ARHGEF11: variants seen among roughly 807,000 people sequenced by gnomAD.
The protein encoded by ARHGEF11 is Rho guanine exchange factor (GEF) 11.
Under a neutral mutation model 193.7 loss-of-function variants are expected in ARHGEF11, and 55 were observed. The observed-to-expected ratio is 0.28, with a 90% CI of 0.23 to 0.36. The LOEUF (loss-of-function observed/expected upper bound fraction) is 0.36, where lower values mean the gene tolerates loss of function less well. Among genes scored for constraint, ARHGEF11 ranks in the 10% least tolerant of loss-of-function variants. ARHGEF11 has a pLI of 1.00. For synonymous variants in ARHGEF11, 693 were observed against 768.0 expected (o/e 0.90, Z 1.62); for missense variants, 1,723 against 2,005.6 (o/e 0.86, Z 2.69).
intron 8 of ARHGEF11, 35 bp from the exon 9 acceptor site, chr1:156,970,078 T>G: frequency 6.3e-7 from 1 of 1,594,152 alleles, no homozygotes; most frequent in Non-Finnish European, 8.6e-7. Flanking sequence ...GGGCAAATTC[T>G]GTGAGCCTCT....
chr1:157,000,746 T>C lies in ARHGEF11; in HGVS notation c.33-14573A>G, dbSNP rs572243643. Among the ~76,000 whole-genome samples, 115 of 152,342 alleles carry C rather than the reference T, an allele frequency of 7.5e-4. No homozygotes were observed. The Middle Eastern group carries it at 0.017, about 23-fold the overall frequency. On this transcript the variant is annotated intron_variant, in intron 1 of 40. Coordinates refer to ENST00000368194, the MANE Select transcript of ARHGEF11 (RefSeq NM_198236.3). ...TGATGGTATGAGGTCTGCTTGTCTT[T>C]GCAATCCCCTTCCTTGGGCAGGCTG...
chr1:156,970,838 G>A (rs1199442447), intron 8 of ARHGEF11, among the ~76,000 whole-genome samples: 1 of 152,168 alleles, frequency 6.6e-6, no homozygotes, highest in Non-Finnish European at 1.5e-5. Flanking sequence ...TTGCCCAAGA[G>A]TCTTTAAGCT....
At chr1:156,991,707 C>CTT (rs1208007433) in intron 1 of ARHGEF11, among the ~76,000 whole-genome samples, 78 of 107,504 alleles carry the variant, frequency 7.3e-4, no homozygotes, top group African/African-American at 2.7e-3. Context: ...TTTTTTCAAG[C>CTT]TTATTTTTTT....
chr1:157,037,041 T>C (rs1160517687), intron 1 of ARHGEF11, among the ~76,000 whole-genome samples: 1 of 152,062 alleles, frequency 6.6e-6, no homozygotes, highest in Non-Finnish European at 1.5e-5. Context: ...GGCATGAGAA[T>C]TGCTTGAACC....
At chr1:156,936,497 A>AAAATATATATAT (rs370282821) in intron 40 of ARHGEF11, among the ~76,000 whole-genome samples, 3 of 33,932 alleles carry the variant, frequency 8.8e-5, no homozygotes, top group South Asian at 1.6e-3. Flanking sequence ...AAAAAAAAAA[A>AAAATATATATAT]ATATATATAT....
chr1:156,978,149 C>T lies in ARHGEF11; in HGVS notation c.510+55G>A, dbSNP rs574350280. On this transcript the variant is annotated intron_variant, in intron 6 of 40. Coordinates refer to ENST00000368194, the MANE Select transcript of ARHGEF11 (RefSeq NM_198236.3). ...ATTTAACTTGCTTTCCTCCCCAATG[C>T]GGAGCTTTTCAACAGGACATTAGGG... is the stretch of plus-strand genomic sequence containing the variant. The T allele has an allele frequency of 5.6e-5, 90 of 1,608,476 alleles. No homozygotes were observed. In the Admixed American group the frequency reaches 9.8e-4, roughly 18 times the overall value.
chr1:156,946,682 G>T lies in ARHGEF11; in HGVS notation c.2674C>A (p.Arg892=). ...LIKTKQRKES[R]FQLFMQEAES... ...CGCACCTGCATGAAGAGCTGGAATC[G>T]ACTCTCCTTGCGTTGCTTGGTCTTG... Residue 892 remains arginine, a synonymous_variant, in exon 28 of 41, where the codon CGA becomes AGA. Coordinates refer to ENST00000368194, the MANE Select transcript of ARHGEF11 (RefSeq NM_198236.3). 1 of 1,614,164 alleles carries T rather than the reference G, an allele frequency of 6.2e-7. No homozygotes were observed. The highest frequency in any genetic ancestry group is 1.1e-5 in the South Asian group (1 of 91,038).
chr1:156,974,991 T>G (rs2184710), intron 7 of ARHGEF11, among the ~76,000 whole-genome samples: 27,101 of 152,232 alleles, frequency 0.18, 2,990 homozygotes, highest in East Asian at 0.44. Context: ...CAAGTTTTTG[T>G]GTGAACCTAT....
intron 13 of ARHGEF11, 63 bp from the exon 14 acceptor site, chr1:156,961,838 G>A: frequency 1.4e-6 from 2 of 1,452,310 alleles, no homozygotes; most frequent in Non-Finnish European, 1.9e-6. Context: ...TTGCCCCCTA[G>A]GGGACGTTTG....
At chr1:157,021,950 T>C (rs1670038947) in intron 1 of ARHGEF11, among the ~76,000 whole-genome samples, 1 of 152,210 alleles carries the variant, frequency 6.6e-6, no homozygotes, top group Non-Finnish European at 1.5e-5. Context: ...AACAAAACCA[T>C]GATCATCTCA....
intron 1 of ARHGEF11, 82 bp from the exon 2 acceptor site, chr1:156,986,255 G>T: frequency 1.6e-6 from 2 of 1,235,624 alleles, no homozygotes; most frequent in South Asian, 2.5e-5. Flanking sequence ...CTGTCAAAAG[G>T]GGCCCTGAGT....
At chr1:156,949,213 C>T (rs1028302538) in intron 22 of ARHGEF11, 4 of 632,390 alleles carry the variant, frequency 6.3e-6, no homozygotes, top group Non-Finnish European at 7.9e-6. Context: ...CGCTCCTTGG[C>T]CTGCCGTGCT....
In ARHGEF11 at chr1:156,946,080, G is replaced by C; in HGVS notation, c.2777C>G (p.Pro926Arg). ...CTTGATGATGCTCTCCAGCAGCAGC[G>C]GGTACTTGGTGAGCCGCTGCATCTC... is the stretch of plus-strand genomic sequence containing the variant. ...ISEMQRLTKY[P>R]LLLESIIKHT... is the part of the protein sequence containing the mutation. The change falls in exon 29 of 41, where the codon CCG (proline) becomes CGG (arginine). Residue 926 changes from proline to arginine, a missense_variant. By Grantham distance (103) the Pro-to-Arg change is moderately radical (BLOSUM62 -2). Transcript: ENST00000368194. 6.2e-7 allele frequency: 1 copy of C among 1,613,636 alleles called. No homozygotes were observed. Among genetic ancestry groups the C allele is most frequent in the Non-Finnish European group, 8.5e-7 (1 of 1,179,944 alleles).
intron 13 of ARHGEF11, 101 bp from the exon 14 acceptor site, chr1:156,961,876 T>A: frequency 5.0e-6 from 5 of 1,001,654 alleles, no homozygotes; most frequent in Non-Finnish European, 7.8e-6. Flanking sequence ...TTTTAGTTGT[T>A]ACAACTACTG....
chr1:156,944,909 T>A, intron 30 of ARHGEF11, 110 bp downstream of exon 30: 1 of 1,398,114 alleles, frequency 7.2e-7, no homozygotes, highest in Non-Finnish European at 9.6e-7. Context: ...TGCCACCCTA[T>A]CTGGTCTCTG....
At chr1:156,991,413 G>C (rs1665676752) in intron 1 of ARHGEF11, among the ~76,000 whole-genome samples, 1 of 152,164 alleles carries the variant, frequency 6.6e-6, no homozygotes, top group Non-Finnish European at 1.5e-5. Flanking sequence ...TCTGCCTCCT[G>C]GGTTCAAGTG....
At chr1:156,981,298 T>C (rs1664142585) in intron 3 of ARHGEF11, among the ~76,000 whole-genome samples, 1 of 152,000 alleles carries the variant, frequency 6.6e-6, no homozygotes, top group South Asian at 2.1e-4. Flanking sequence ...CTGCCTTGGC[T>C]TCCCAAAATG....
At chr1:157,040,776 A>G (rs1571629368) in intron 1 of ARHGEF11, among the ~76,000 whole-genome samples, 2 of 152,364 alleles carry the variant, frequency 1.3e-5, no homozygotes, top group East Asian at 3.9e-4. Context: ...TGAATTTACC[A>G]TCTATAATTT....
intron 32 of ARHGEF11, 134 bp downstream of exon 32, chr1:156,943,801 G>C: frequency 8.8e-7 from 1 of 1,137,154 alleles, no homozygotes; most frequent in Non-Finnish European, 1.2e-6. Flanking sequence ...ACTTAGGCTG[G>C]GTCAGGACAG....
Sources: gnomAD v4.1 joint callset for allele counts (sites outside exome capture counted in the v4.1 genomes callset) on GRCh38, gnomAD v4.1.1 for gene constraint, MANE v1.5 for transcripts, NCBI Gene and HGNC (gene_info 2026-07-23, HGNC 2026-07-21) for gene names.